Variants in TULP4 observed in about 807,000 individuals in gnomAD.
TULP4 encodes tubby-related protein 4.
Under a neutral mutation model 129.0 loss-of-function variants are expected in TULP4, and 16 were observed. The observed-to-expected ratio is 0.12, with a 90% confidence interval of 0.08 to 0.19. TULP4 has a LOEUF of 0.19. Among genes scored for constraint, TULP4 ranks in the 10% least tolerant of loss-of-function variants. The pLI, the probability that TULP4 is intolerant of heterozygous loss-of-function variation, is 1.00. For synonymous variants in TULP4, 998 were observed against 854.0 expected (o/e 1.17, Z -2.94); for missense variants, 1,842 against 2,059.1 (o/e 0.89, Z 2.04).
chr6:158,351,741 C>G (rs1780530195), intron 1 of TULP4, among the ~76,000 whole-genome samples: 1 of 72,990 alleles, frequency 1.4e-5, no homozygotes, highest in Non-Finnish European at 2.4e-5. Flanking sequence ...TTTTTTGAGA[C>G]AGAGTCTCAC....
At chr6:158,435,290 C>T (rs956608087) in intron 3 of TULP4, among the ~76,000 whole-genome samples, 1 of 152,164 alleles carries the variant, frequency 6.6e-6, no homozygotes, top group Non-Finnish European at 1.5e-5. Context: ...CCTCCCCAGT[C>T]AGTGGTTCCT....
intron 1 of TULP4, among the ~76,000 whole-genome samples, chr6:158,337,033 CTT>C (rs368623144): frequency 0.88 from 125,595 of 143,464 alleles, 54,653 homozygotes; most frequent in South Asian, 0.94. Context: ...TTCTTTCTTT[CTT>C]TTTCTTTCTT....
chr6:158,320,692 C>T (rs765670072), intron 1 of TULP4, among the ~76,000 whole-genome samples: 22 of 152,116 alleles, frequency 1.4e-4, no homozygotes, highest in Admixed American at 1.2e-3. Flanking sequence ...TCAGCCTCCC[C>T]AAGTGCTGGG....
chr6:158,270,279 C>A (rs1218323536), intron 1 of TULP4, among the ~76,000 whole-genome samples: 1 of 152,146 alleles, frequency 6.6e-6, no homozygotes, highest in Non-Finnish European at 1.5e-5. Flanking sequence ...CTTTGTTTTG[C>A]TCTTGCATCA....
chr6:158,477,269 A>G (rs1779844579), intron 6 of TULP4, among the ~76,000 whole-genome samples: 1 of 152,204 alleles, frequency 6.6e-6, no homozygotes, highest in Non-Finnish European at 1.5e-5. Context: ...AGAGATAGTT[A>G]CTATGAAAAG....
At chr6:158,442,725 A>C (rs944410610) in intron 3 of TULP4, among the ~76,000 whole-genome samples, 63 of 152,140 alleles carry the variant, frequency 4.1e-4, no homozygotes, top group Non-Finnish European at 7.6e-4. Flanking sequence ...TTTGATGAAG[A>C]GGCCCCTCCT....
At chr6:158,272,803 G>T (rs1583693990) in intron 1 of TULP4, among the ~76,000 whole-genome samples, 1 of 152,182 alleles carries the variant, frequency 6.6e-6, no homozygotes, top group African/African-American at 2.4e-5. Context: ...GTGACAGTTA[G>T]GTTTGTGTAA....
chr6:158,367,993 C>A (rs753703451), intron 1 of TULP4, among the ~76,000 whole-genome samples: 4 of 134,124 alleles, frequency 3.0e-5, no homozygotes, highest in Non-Finnish European at 4.6e-5. Context: ...ACTCGGGAGG[C>A]GAGGTATGAG....
At chr6:158,274,669 C>G (rs1278011804) in intron 1 of TULP4, among the ~76,000 whole-genome samples, 1 of 151,776 alleles carries the variant, frequency 6.6e-6, no homozygotes, top group Non-Finnish European at 1.5e-5. Flanking sequence ...CCCAGCTACT[C>G]GGGAGGCTGA....
Position 158,264,637 on chromosome 6 carries a change from G to C in TULP4, n.68+32334G>C, listed in dbSNP as rs533186177. Among the ~76,000 whole-genome samples, 3 of 152,168 alleles carry C rather than the reference G, an allele frequency of 2.0e-5. No individual in the cohort carries two copies. In the East Asian group the frequency reaches 5.8e-4, roughly 29 times the overall value. ...GCTACTAGATTGCCTACTTTCAAAG[G>C]ACTAGGAAACATTTTTTCAGCTTTA... On this transcript the variant is annotated intron_variant and non_coding_transcript_variant, in intron 1 of 1. Transcript: ENST00000620026.
At chr6:158,472,479 T>G (rs959099584) in intron 6 of TULP4, among the ~76,000 whole-genome samples, 1 of 152,192 alleles carries the variant, frequency 6.6e-6, no homozygotes, top group African/African-American at 2.4e-5. Context: ...TAATAGAAAG[T>G]TAAATAATGA....
At chr6:158,417,541 T>C (rs1339898318) in intron 2 of TULP4, among the ~76,000 whole-genome samples, 2 of 152,182 alleles carry the variant, frequency 1.3e-5, no homozygotes, top group Non-Finnish European at 1.5e-5. Flanking sequence ...ACAGTGGCAT[T>C]CTGGGGGAGG....
chr6:158,242,608 T>C (rs1368349751), intron 1 of TULP4: 3 of 709,978 alleles, frequency 4.2e-6, no homozygotes, highest in Admixed American at 1.9e-5. Flanking sequence ...GCTAACAGTT[T>C]GGTGCAAGTA....
intron 3 of TULP4, among the ~76,000 whole-genome samples, chr6:158,437,080 T>G (rs1445619681): frequency 2.0e-5 from 3 of 152,190 alleles, no homozygotes; most frequent in African/African-American, 7.2e-5. Context: ...TAACAGTCAC[T>G]GAATGCCTGT....
At chr6:158,344,933 C>T (rs1780265989) in intron 1 of TULP4, among the ~76,000 whole-genome samples, 1 of 152,176 alleles carries the variant, frequency 6.6e-6, no homozygotes, top group Non-Finnish European at 1.5e-5. Context: ...ATTAAAAGTG[C>T]TACTCCAGTG....
chr6:158,402,888 GTTTTTTT>G (rs34604658), intron 1 of TULP4, among the ~76,000 whole-genome samples: 7 of 127,960 alleles, frequency 5.5e-5, no homozygotes, highest in African/African-American at 1.1e-4. Flanking sequence ...GGCTTTGGGA[GTTTTTTT>G]TTTTTTTTTT....
chr6:158,365,322 T>A (rs924024985), intron 1 of TULP4, among the ~76,000 whole-genome samples: 2 of 152,052 alleles, frequency 1.3e-5, no homozygotes, highest in South Asian at 4.1e-4. Flanking sequence ...TTTCTCCCCA[T>A]CTACTGACCA....
intron 1 of TULP4, among the ~76,000 whole-genome samples, chr6:158,333,588 A>AGCTAT (rs1318445603): frequency 6.6e-6 from 1 of 152,030 alleles, no homozygotes; most frequent in Admixed American, 6.6e-5. Context: ...TTCCCAAACT[A>AGCTAT]GCTATGTACA....
chr6:158,254,165 CAG>C (rs1424421067), intron 1 of TULP4, among the ~76,000 whole-genome samples: 1 of 152,124 alleles, frequency 6.6e-6, no homozygotes, highest in African/African-American at 2.4e-5. Context: ...TCAGTGGAGA[CAG>C]AGTCTTGCTC....
Sources: allele counts gnomAD v4.1 joint callset (sites outside exome capture counted in the v4.1 genomes callset), GRCh38; gene constraint gnomAD v4.1.1; transcripts MANE v1.5; gene names NCBI Gene and HGNC (gene_info 2026-07-23, HGNC 2026-07-21).